Variants in CHD7 observed in about 807,000 individuals in gnomAD.
CHD7 encodes ATP-dependent chromatin remodeler CHD7.
CHD7 carries 24 observed loss-of-function variants against 307.3 expected under a neutral mutation model. The observed-to-expected ratio is 0.08, with a 90% CI of 0.06 to 0.11. The LOEUF is 0.11. Among genes scored for constraint, CHD7 ranks in the 10% least tolerant of loss-of-function variants. The probability of loss-of-function intolerance (pLI) is 1.00; values close to 1 mark genes in which losing one functional copy is unlikely to be tolerated. For synonymous variants in CHD7, 1,363 were observed against 1,349.9 expected, an observed-to-expected ratio of 1.01 and a Z score of -0.21; for missense variants, 3,106 against 3,727.1, an observed-to-expected ratio of 0.83 and a Z score of 4.34.
At chr8:60,685,184 C>T (rs1805819797) in intron 1 of CHD7, among the ~76,000 whole-genome samples, 2 of 152,116 alleles carry the variant, frequency 1.3e-5, no homozygotes, top group South Asian at 4.1e-4. Flanking sequence ...ATTGTTTTAT[C>T]CTTTGCATTG....
chr8:60,733,794 T>G (rs1056528016), intron 1 of CHD7, among the ~76,000 whole-genome samples: 1 of 148,012 alleles, frequency 6.8e-6, no homozygotes, highest in African/African-American at 2.6e-5. Context: ...TTTTTTATCA[T>G]AAAGGCTACT....
At chr8:60,847,089 G>GA (rs1378501326) in intron 23 of CHD7, among the ~76,000 whole-genome samples, 3 of 152,120 alleles carry the variant, frequency 2.0e-5, no homozygotes, top group Non-Finnish European at 2.9e-5. Flanking sequence ...GTTAACAAGA[G>GA]AAAAAAATCT....
At chr8:60,772,681 C>T (rs888668395) in intron 2 of CHD7, among the ~76,000 whole-genome samples, 1 of 152,058 alleles carries the variant, frequency 6.6e-6, no homozygotes, top group Admixed American at 6.6e-5. Flanking sequence ...GATTCTCATT[C>T]CTGTATAGTT....
In CHD7 at chr8:60,856,478, C is replaced by CGGA. The variant is rs374380640; in HGVS notation, c.7212_7214dup (p.Arg2405dup). 8 of 1,612,812 alleles carry CGGA rather than the reference C, an allele frequency of 5.0e-6. No individual in the cohort carries two copies. The highest frequency in any genetic ancestry group is 2.2e-5 in the East Asian group (1 of 44,860). ...CCTCAACCTCTCTGTCCCTCGCCAG[C>CGGA]GGAGGAGGAGGAGGAGAAAAATCGA... On this transcript the variant is annotated inframe_insertion, in exon 34 of 38. Transcript: ENST00000423902.
intron 13 of CHD7, among the ~76,000 whole-genome samples, chr8:60,826,441 C>T (rs1290146700): frequency 6.6e-6 from 1 of 152,212 alleles, no homozygotes; most frequent in African/African-American, 2.4e-5. Context: ...AAATAAGCAT[C>T]TTGAGAACTT....
chr8:60,698,109 C>A (rs745873805), intron 1 of CHD7, among the ~76,000 whole-genome samples: 1 of 152,212 alleles, frequency 6.6e-6, no homozygotes. Flanking sequence ...CCACTTACAG[C>A]CTGACTTGAC....
chr8:60,746,136 C>A (rs375572722), intron 2 of CHD7, among the ~76,000 whole-genome samples: 1 of 152,180 alleles, frequency 6.6e-6, no homozygotes, highest in Non-Finnish European at 1.5e-5. Context: ...CAGGTTCAAG[C>A]GATTCTCCTG....
At chr8:60,693,366 C>G (rs1410660410) in intron 1 of CHD7, among the ~76,000 whole-genome samples, 3 of 152,194 alleles carry the variant, frequency 2.0e-5, no homozygotes, top group African/African-American at 7.2e-5. Flanking sequence ...TAGACCTTGC[C>G]ACCCCATTGC....
intron 19 of CHD7, 98 bp downstream of exon 19, chr8:60,838,353 T>G: frequency 2.0e-6 from 2 of 1,010,096 alleles, no homozygotes; most frequent in East Asian, 5.3e-5. Flanking sequence ...GCATTGGGAA[T>G]TAATCAAATT....
At chr8:60,803,578 A>C (rs1381763970) in intron 6 of CHD7, among the ~76,000 whole-genome samples, 2 of 152,206 alleles carry the variant, frequency 1.3e-5, no homozygotes, top group African/African-American at 4.8e-5. Context: ...GAGAAAATTA[A>C]TGGAAAAAAT....
At chr8:60,767,020 G>C (rs545525278) in intron 2 of CHD7, among the ~76,000 whole-genome samples, 1 of 152,308 alleles carries the variant, frequency 6.6e-6, no homozygotes, top group African/African-American at 2.4e-5. Context: ...CGAGAACCAG[G>C]AAGAGCCTGG....
intron 31 of CHD7, among the ~76,000 whole-genome samples, chr8:60,853,951 C>T (rs893782465): frequency 6.6e-6 from 1 of 152,140 alleles, no homozygotes; most frequent in Non-Finnish European, 1.5e-5. Flanking sequence ...AGTCACAGTA[C>T]GGTTGCTGAA....
chr8:60,743,163 C>T (rs985996058), intron 2 of CHD7, 66 bp downstream of exon 2: 6 of 1,385,600 alleles, frequency 4.3e-6, no homozygotes, highest in Non-Finnish European at 5.0e-6. Context: ...CTTGTCTGAT[C>T]GAATTTTTCT....
intron 7 of CHD7, among the ~76,000 whole-genome samples, chr8:60,811,847 C>T (rs548770808): frequency 3.5e-4 from 54 of 152,258 alleles, no homozygotes; most frequent in African/African-American, 1.3e-3. Flanking sequence ...ATATAGTGTG[C>T]TGTTTTACTT....
At chr8:60,721,370 C>G (rs1002518097) in intron 1 of CHD7, among the ~76,000 whole-genome samples, 2 of 152,162 alleles carry the variant, frequency 1.3e-5, no homozygotes, top group South Asian at 2.1e-4. Flanking sequence ...TGCCTATAAG[C>G]CAAGAGAAGA....
intron 1 of CHD7, among the ~76,000 whole-genome samples, chr8:60,725,261 A>G (rs984658325): frequency 6.6e-6 from 1 of 152,206 alleles, no homozygotes; most frequent in Non-Finnish European, 1.5e-5. Flanking sequence ...ATGTTCGGTT[A>G]TCTCTCCTGA....
chr8:60,813,365 A>T (rs1223698647), intron 7 of CHD7, among the ~76,000 whole-genome samples: 2 of 152,122 alleles, frequency 1.3e-5, no homozygotes, highest in Non-Finnish European at 2.9e-5. Flanking sequence ...AGCTTTACTT[A>T]TTATTTTCTA....
At chr8:60,756,774 C>G (rs1445435350) in intron 2 of CHD7, among the ~76,000 whole-genome samples, 1 of 152,134 alleles carries the variant, frequency 6.6e-6, no homozygotes, top group African/African-American at 2.4e-5. Flanking sequence ...TAGTTAATAT[C>G]CACTAGATTT....
intron 2 of CHD7, among the ~76,000 whole-genome samples, chr8:60,753,028 C>T (rs146116256): frequency 1.2e-3 from 189 of 152,340 alleles, no homozygotes; most frequent in Admixed American, 3.5e-3. Flanking sequence ...TGGCCCATTA[C>T]TAAGCTAACT....
Sources: allele counts gnomAD v4.1 joint callset (sites outside exome capture counted in the v4.1 genomes callset), GRCh38; gene constraint gnomAD v4.1.1; transcripts MANE v1.5; gene names NCBI Gene and HGNC (gene_info 2026-07-23, HGNC 2026-07-21).